The following CGNL1 variants were observed in gnomAD, a reference collection of about 807,000 sequenced individuals.
The protein encoded by CGNL1 is cingulin like 1.
Under a neutral mutation model 141.2 loss-of-function variants are expected in CGNL1, and 132 were observed. The observed-to-expected ratio is 0.93, with a 90% CI of 0.81 to 1.08. The LOEUF (loss-of-function observed/expected upper bound fraction) is 1.08. CGNL1 is among the 50% of genes least tolerant of loss of function. The pLI is 0.00. For synonymous variants in CGNL1, 690 were observed against 622.1 expected (o/e 1.11, Z -1.63); for missense variants, 1,870 against 1,588.6 (o/e 1.18, Z -3.01).
intron 1 of CGNL1, among the ~76,000 whole-genome samples, chr15:57,381,560 TA>T (rs1216420168): frequency 2.0e-5 from 3 of 152,026 alleles, no homozygotes; most frequent in African/African-American, 7.3e-5. Flanking sequence ...GACCCTGTCT[TA>T]AAAACAAACA....
chr15:57,447,049 A>G (rs1279738668), intron 4 of CGNL1, among the ~76,000 whole-genome samples: 2 of 152,156 alleles, frequency 1.3e-5, no homozygotes, highest in Non-Finnish European at 2.9e-5. Flanking sequence ...TTCCACCAAG[A>G]AAAGCCTCTA....
intron 8 of CGNL1, among the ~76,000 whole-genome samples, chr15:57,467,105 A>C (rs970853008): frequency 6.6e-6 from 1 of 152,226 alleles, no homozygotes; most frequent in Non-Finnish European, 1.5e-5. Context: ...TTACTGAGCA[A>C]CTGCCAAGTA....
intron 1 of CGNL1, among the ~76,000 whole-genome samples, chr15:57,395,827 G>A (rs759425208): frequency 6.6e-6 from 1 of 152,158 alleles, no homozygotes; most frequent in African/African-American, 2.4e-5. Flanking sequence ...CATGCAGCTG[G>A]TAAGTGGTTA....
Position 57,440,436 on chromosome 15 carries a change from A to C in CGNL1, c.1662A>C (p.Thr554=). The change falls in exon 3 of 19, where the codon ACA becomes ACC. Residue 554 remains threonine (T), a synonymous_variant. Transcript: ENST00000281282. The part of the protein sequence containing the change: ...QELTQQTNEE[T]AKQILYNYLK... ...TCACTCAGCAAACCAATGAGGAGAC[A>C]GCTAAGCAGATTCTCTACAATTACC... is the stretch of plus-strand genomic sequence containing the variant. 1 of 1,599,992 alleles carries C rather than the reference A, an allele frequency of 6.3e-7. No homozygotes were observed. The highest frequency in any genetic ancestry group is 8.5e-7 in the Non-Finnish European group (1 of 1,172,358).
intron 9 of CGNL1, among the ~76,000 whole-genome samples, chr15:57,517,333 A>G (rs898842003): frequency 6.6e-6 from 1 of 152,134 alleles, no homozygotes; most frequent in African/African-American, 2.4e-5. Flanking sequence ...ACTCAAGACT[A>G]TTTATTCTTT....
chr15:57,406,328 T>C (rs189966766), intron 1 of CGNL1, among the ~76,000 whole-genome samples: 146 of 152,098 alleles, frequency 9.6e-4, no homozygotes, highest in Non-Finnish European at 1.3e-4. Context: ...GGCTGCTGGG[T>C]GTGTTCTGGG....
At chr15:57,460,374 T>A (rs1472538135) in intron 7 of CGNL1, among the ~76,000 whole-genome samples, 1 of 152,142 alleles carries the variant, frequency 6.6e-6, no homozygotes. Flanking sequence ...GAACAGAAAT[T>A]ATGCTTTCAG....
chr15:57,522,905 C>T (rs2031363002), intron 10 of CGNL1, among the ~76,000 whole-genome samples: 1 of 152,202 alleles, frequency 6.6e-6, no homozygotes, highest in African/African-American at 2.4e-5. Context: ...AGTTCACCAA[C>T]CTGTGTGTTT....
chr15:57,407,256 G>C (rs915822071), intron 1 of CGNL1: 9 of 151,750 alleles, frequency 5.9e-5, no homozygotes, highest in Non-Finnish European at 8.8e-5. Flanking sequence ...TCCTTTTTTT[G>C]TTTTTAGTAA....
chr15:57,544,476 A>C lies in CGNL1; in HGVS notation c.3379A>C (p.Lys1127Gln). 6.2e-7 allele frequency: 1 copy of C among 1,614,112 alleles called. No homozygotes were observed. Among genetic ancestry groups the C allele is most frequent in the Non-Finnish European group, 8.5e-7 (1 of 1,180,006 alleles). The change falls in exon 16 of 19, where the codon AAG (lysine) becomes CAG (glutamine). Residue 1127 changes from lysine to glutamine, a missense_variant. Coordinates refer to ENST00000281282, the MANE Select transcript of CGNL1 (RefSeq NM_032866.5). ...CAGTCTCCCTGTGTTGTTCCAGAAC[A>C]AGGACTTAAAGAGCCGGATTATCCA... ...CDKISLERQN[K>Q]DLKSRIIHLE...
At position 57,523,489 on chromosome 15, in the gene CGNL1, G is replaced by T. The variant is rs777396993; in HGVS notation, c.2716G>T (p.Gly906Ter). The T allele has an allele frequency of 1.9e-6, 3 of 1,614,104 alleles. No individual in the cohort carries two copies. The East Asian group carries it at 6.7e-5, about 36-fold the overall frequency. Reference sequence around the variant, plus strand: ...ACTGTCCTTTCCCTGCCATTTGCAGGGAAATCTGAGTCAGACTACCCAGGA... The same window carrying T: ...ACTGTCCTTTCCCTGCCATTTGCAGTGAAATCTGAGTCAGACTACCCAGGA... ...ALENELEAAQ[G>*]NLSQTTQEQK... is the part of the protein sequence containing the mutation. Residue 906 changes from glycine to a stop codon, truncating the protein, a stop_gained and splice_region_variant, in exon 11 of 19, where the codon GGA becomes TGA. Transcript: ENST00000281282. LOFTEE classifies it high-confidence loss of function.
intron 14 of CGNL1, among the ~76,000 whole-genome samples, chr15:57,542,335 G>T (rs1304953511): frequency 2.0e-5 from 3 of 152,194 alleles, no homozygotes; most frequent in Non-Finnish European, 4.4e-5. Flanking sequence ...AGAAGGAAAA[G>T]GTGGTTTTAT....
intron 1 of CGNL1, among the ~76,000 whole-genome samples, chr15:57,383,502 G>A (rs568551475): frequency 8.2e-4 from 124 of 152,082 alleles, no homozygotes; most frequent in Non-Finnish European, 1.4e-3. Context: ...GTTTCACCAT[G>A]TTAGCCAGGA....
At chr15:57,500,656 G>GA (rs11459995) in intron 8 of CGNL1, among the ~76,000 whole-genome samples, 142,800 of 151,904 alleles carry the variant, frequency 0.94, 67,686 homozygotes, top group Non-Finnish European at 1. Context: ...AAGACTTTGG[G>GA]AAAAAAAAGC....
In CGNL1 at chr15:57,545,679, A is replaced by G. The variant is rs1411272668; in HGVS notation, c.3588A>G (p.Ser1196=). 6.2e-7 allele frequency: 1 copy of G among 1,613,192 alleles called. No individual in the cohort carries two copies. The highest frequency in any genetic ancestry group is 1.3e-5 in the African/African-American group (1 of 75,054). The change falls in exon 17 of 19, where the codon TCA becomes TCG. Residue 1196 remains serine (S), a synonymous_variant. Transcript: ENST00000281282. ...TGCAGGTGGATGATGAGCACCTGTCATTGACTGATCAGAAGGACCAGGTGG... is the reference window on the plus strand; with the variant it reads ...TGCAGGTGGATGATGAGCACCTGTCGTTGACTGATCAGAAGGACCAGGTGG... ...LVMQVDDEHL[S]LTDQKDQLSL... is the part of the protein sequence containing the mutation.
rs566301851 is a variant in CGNL1 at position 57,440,826 on chromosome 15, C to A, written c.1697+355C>A. Among the ~76,000 whole-genome samples the A allele has an allele frequency of 1.8e-4, 28 of 152,158 alleles. No homozygotes were observed. In the South Asian group the frequency reaches 5.8e-3, roughly 32 times the overall value. ...AGTTCTTCCGTGCAATGTGGTAGTC[C>A]TTTAGAAGTTACAAATAAAAACACC... On this transcript the variant is annotated intron_variant, in intron 3 of 18. Transcript: ENST00000281282.
At chr15:57,507,264 G>A (rs769356493) in intron 8 of CGNL1, among the ~76,000 whole-genome samples, 33 of 152,152 alleles carry the variant, frequency 2.2e-4, no homozygotes, top group Non-Finnish European at 4.1e-4. Flanking sequence ...AGTGTGTTGT[G>A]GTCAGAAGGA....
intron 8 of CGNL1, among the ~76,000 whole-genome samples, chr15:57,494,121 G>A (rs2063904075): frequency 6.6e-6 from 1 of 152,206 alleles, no homozygotes; most frequent in South Asian, 2.1e-4. Context: ...GCAAAGCAAG[G>A]GATGTAGGCT....
intron 3 of CGNL1, among the ~76,000 whole-genome samples, chr15:57,440,693 A>C (rs2063175893): frequency 6.6e-6 from 1 of 152,196 alleles, no homozygotes; most frequent in South Asian, 2.1e-4. Context: ...TACTTTAAAA[A>C]TTAAAATGAA....
Sources: allele counts gnomAD v4.1 joint callset (sites outside exome capture counted in the v4.1 genomes callset), GRCh38; gene constraint gnomAD v4.1.1; transcripts MANE v1.5; gene names NCBI Gene and HGNC (gene_info 2026-07-23, HGNC 2026-07-21).